CACHD1: variants seen among roughly 807,000 people sequenced by gnomAD.
CACHD1 encodes cache domain containing 1.
A neutral mutation model predicts 138.7 loss-of-function variants in CACHD1; 71 were observed. The observed-to-expected ratio is 0.51, with a 90% CI of 0.42 to 0.62. The LOEUF is 0.62. Among genes scored for constraint, CACHD1 ranks in the 20% least tolerant of loss-of-function variants. CACHD1 has a pLI of 0.00. For missense variants in CACHD1, 1,389 were observed against 1,625.3 expected (o/e 0.85, Z 2.50); for synonymous variants, 578 against 591.5 (o/e 0.98, Z 0.33).
At chr1:64,606,601 T>A (rs1014848650) in intron 4 of CACHD1, among the ~76,000 whole-genome samples, 6 of 152,138 alleles carry the variant, frequency 3.9e-5, no homozygotes, top group Non-Finnish European at 8.8e-5. Context: ...AGTGACATGA[T>A]TTGACTTCGG....
intron 26 of CACHD1, among the ~76,000 whole-genome samples, chr1:64,683,181 T>C (rs550785560): frequency 6.6e-6 from 1 of 152,224 alleles, no homozygotes. Flanking sequence ...AGCTCTGTTT[T>C]ATAAATTGGA....
In CACHD1 at chr1:64,557,120, C is replaced by T. The variant is rs556408290; in HGVS notation, c.261+6464C>T. Among the ~76,000 whole-genome samples, 15 of 53,116 alleles carry T rather than the reference C, an allele frequency of 2.8e-4. No individual in the cohort carries two copies. The East Asian group carries it at 4.5e-3, about 16-fold the overall frequency. 34.8% of individuals were successfully genotyped at this position (53,116 alleles called of 152,430 possible). On this transcript the variant is annotated intron_variant, in intron 2 of 26. Transcript: ENST00000651257. ...TGGGCAACAGAGCAAGACTCCATCT[C>T]GAAAAAAAAAAAAAAATTAAGTTGT...
rs536082484 is a variant in CACHD1, at chr1:64,530,030, A to G, written c.199-20564A>G. Among the ~76,000 whole-genome samples the G allele has an allele frequency of 7.2e-5, 11 of 152,358 alleles. No homozygotes were observed. The South Asian group carries it at 2.3e-3, about 32-fold the overall frequency. ...CACTGATGATTCTATAGTGAAGATC[A>G]TTTAGTGTTTACTGAAGTAGCACAG... On this transcript the variant is annotated intron_variant, in intron 1 of 26. Coordinates refer to ENST00000651257, the MANE Select transcript of CACHD1 (RefSeq NM_020925.4).
At chr1:64,681,941 A>AT in intron 25 of CACHD1, 64 bp from the exon 26 acceptor site, 1 of 1,383,746 alleles carries the variant, frequency 7.2e-7, no homozygotes, top group Non-Finnish European at 1.0e-6. Context: ...CTCAGAGCAA[A>AT]TGTGTTTGAA....
rs1358357999 is a variant in CACHD1 at position 64,681,545 on chromosome 1, T to G, written c.3484+210T>G. ...AATCTCAAAAGATTTTATTGTGTTT[T>G]TTTTTTTTTTTTTTTTTTTGCATTA... On this transcript the variant is annotated intron_variant, in intron 25 of 26. Coordinates refer to ENST00000651257, the MANE Select transcript of CACHD1 (RefSeq NM_020925.4). 5.7e-4 allele frequency among the ~76,000 whole-genome samples: 65 copies of G among 113,736 alleles called. 3 individuals are homozygous for G. In the East Asian group the frequency reaches 0.011, roughly 20 times the overall value. 74.6% of individuals were successfully genotyped at this position (113,736 alleles called of 152,430 possible).
chr1:64,553,339 C>G (rs1203425686), intron 2 of CACHD1, among the ~76,000 whole-genome samples: 3 of 152,166 alleles, frequency 2.0e-5, no homozygotes, highest in Non-Finnish European at 2.9e-5. Context: ...CTTAGACATT[C>G]TAGACTCTGT....
chr1:64,624,186 A>C (rs1225561883), intron 4 of CACHD1, among the ~76,000 whole-genome samples: 1 of 152,236 alleles, frequency 6.6e-6, no homozygotes, highest in Non-Finnish European at 1.5e-5. Context: ...GATGTAATTT[A>C]ATCAGATGCC....
chr1:64,634,032 TCTTTCCTGCAGA>T lies in CACHD1; in HGVS notation c.790-11_790del. ...CAAGTTTGGTGGTTTTTTTTTTTTT[TCTTTCCTGCAGA>T]TTTCTGTGTTAACTGTGGCAGATAC... On this transcript the variant is annotated splice_acceptor_variant and splice_polypyrimidine_tract_variant and coding_sequence_variant and intron_variant, in exon 7 of 27. Transcript: ENST00000651257. LOFTEE classifies it high-confidence loss of function. 1 of 1,572,034 alleles carries T rather than the reference TCTTTCCTGCAGA, an allele frequency of 6.4e-7. No homozygotes were observed. The highest frequency in any genetic ancestry group is 1.9e-5 in the Admixed American group (1 of 52,160).
intron 4 of CACHD1, among the ~76,000 whole-genome samples, chr1:64,613,746 T>C (rs1404758083): frequency 6.6e-6 from 1 of 152,222 alleles, no homozygotes; most frequent in African/African-American, 2.4e-5. Context: ...ATTCTGTAGC[T>C]CAGAGTAGAT....
In CACHD1 at chr1:64,552,632, C is replaced by A. The variant is rs114290026; in HGVS notation, c.261+1976C>A. ...TGGACTACAGGCACATGCCCACATG[C>A]CCGGCTGATTTTTTGTTGTTGTTTT... On this transcript the variant is annotated intron_variant, in intron 2 of 26. Transcript: ENST00000651257. 1.7e-3 allele frequency among the ~76,000 whole-genome samples: 259 copies of A among 152,078 alleles called. 1 individual carries two copies. Among genetic ancestry groups the A allele is most frequent in the Middle Eastern group, 3.4e-3 (1 of 294 alleles).
Position 64,615,782 on chromosome 1 carries a change from G to A in CACHD1, c.517+12870G>A, listed in dbSNP as rs76769545. Among the ~76,000 whole-genome samples the A allele has an allele frequency of 8.3e-3, 1,261 of 152,310 alleles. 7 individuals are homozygous for A. The highest frequency in any genetic ancestry group is 0.013 in the Non-Finnish European group (865 of 68,022). ...ATGTCCCATGATGTGGAGTGACACA[G>A]ACTATACAAATGAATAATGTATTCC... On this transcript the variant is annotated intron_variant, in intron 4 of 26. Transcript: ENST00000651257.
At chr1:64,647,731 A>C (rs2100672562) in intron 8 of CACHD1, 70 bp from the exon 9 acceptor site, 2 of 1,346,726 alleles carry the variant, frequency 1.5e-6, no homozygotes, top group South Asian at 1.3e-5. Flanking sequence ...TATTTGATCT[A>C]AATGGCAAGA....
intron 16 of CACHD1, among the ~76,000 whole-genome samples, 181 bp downstream of exon 16, chr1:64,666,348 G>A (rs1006693192): frequency 6.6e-5 from 10 of 152,044 alleles, no homozygotes; most frequent in Non-Finnish European, 8.8e-5. Flanking sequence ...TTCTCCTGCC[G>A]TCTATAAAAT....
chr1:64,560,968 C>T (rs923500863), intron 2 of CACHD1, among the ~76,000 whole-genome samples: 9 of 151,998 alleles, frequency 5.9e-5, no homozygotes, highest in Non-Finnish European at 1.2e-4. Context: ...GTCTATTTTA[C>T]TCAATATTGA....
At chr1:64,620,115 G>A in intron 4 of CACHD1, among the ~76,000 whole-genome samples, 1 of 152,050 alleles carries the variant, frequency 6.6e-6, no homozygotes, top group East Asian at 1.9e-4. Context: ...AAGTGGGCTG[G>A]CAGCACCATA....
rs187510491 is a variant in CACHD1, at chr1:64,681,978, A to T, written c.3485-27A>T. On this transcript the variant is annotated intron_variant, in intron 25 of 26. Transcript: ENST00000651257. ...CAATGGAGATACTGGCATAAGAGTG[A>T]CATTAACTGTCCTTGGCTTCCTACA... is the stretch of plus-strand genomic sequence containing the variant. 154 of 1,592,604 alleles carry T rather than the reference A, an allele frequency of 9.7e-5. No individual in the cohort carries two copies. In the African/African-American group the frequency reaches 1.4e-3, roughly 15 times the overall value.
chr1:64,630,234 T>A (rs551925665), intron 5 of CACHD1, among the ~76,000 whole-genome samples: 1 of 152,270 alleles, frequency 6.6e-6, no homozygotes, highest in South Asian at 2.1e-4. Context: ...CTTCCCTTCA[T>A]CTTCACTTTA....
intron 16 of CACHD1, 81 bp from the exon 17 acceptor site, chr1:64,671,483 A>G: frequency 3.4e-6 from 5 of 1,480,698 alleles, no homozygotes; most frequent in Non-Finnish European, 4.7e-6. Context: ...CTAATACCAA[A>G]CAATGTCCCT....
intron 24 of CACHD1, among the ~76,000 whole-genome samples, chr1:64,680,682 G>A (rs1472516607): frequency 1.3e-5 from 2 of 152,152 alleles, no homozygotes; most frequent in Admixed American, 6.5e-5. Context: ...GACCTTTTTG[G>A]AGGTGAAGTT....
Sources: gnomAD v4.1 joint callset for allele counts (sites outside exome capture counted in the v4.1 genomes callset) on GRCh38, gnomAD v4.1.1 for gene constraint, MANE v1.5 for transcripts, NCBI Gene and HGNC (gene_info 2026-07-23, HGNC 2026-07-21) for gene names.